Variants in CYYR1 observed in about 807,000 individuals in gnomAD.
The protein encoded by CYYR1 is cysteine and tyrosine-rich protein 1.
A neutral mutation model predicts 15.2 loss-of-function variants in CYYR1; 14 were observed. That is an observed-to-expected ratio of 0.92 (90% CI 0.61 to 1.44). CYYR1 has a LOEUF of 1.44. Among genes scored for constraint, CYYR1 ranks in the 40% most tolerant of loss-of-function variants. CYYR1 has a pLI of 0.00. For synonymous variants in CYYR1, 80 were observed against 77.4 expected (o/e 1.03, Z -0.18); for missense variants, 228 against 209.5 (o/e 1.09, Z -0.54).
At chr21:26,508,663 G>A (rs1160978380) in intron 2 of CYYR1, among the ~76,000 whole-genome samples, 2 of 151,498 alleles carry the variant, frequency 1.3e-5, no homozygotes, top group Non-Finnish European at 2.9e-5. Context: ...TAAGATCAAT[G>A]CATTCATTCT....
chr21:26,571,802 T>C (rs974034547), intron 1 of CYYR1, among the ~76,000 whole-genome samples: 3 of 152,206 alleles, frequency 2.0e-5, no homozygotes, highest in African/African-American at 7.2e-5. Context: ...CTTTTATGAA[T>C]TTTCATATTA....
intron 2 of CYYR1, among the ~76,000 whole-genome samples, chr21:26,523,580 T>C (rs1006253831): frequency 3.3e-5 from 5 of 152,214 alleles, no homozygotes; most frequent in African/African-American, 9.6e-5. Flanking sequence ...TTTCTACCAC[T>C]CATTCACTCA....
intron 2 of CYYR1, among the ~76,000 whole-genome samples, chr21:26,542,581 G>A (rs971429080): frequency 6.6e-6 from 1 of 151,694 alleles, no homozygotes; most frequent in Non-Finnish European, 1.5e-5. Context: ...CTATGTTCCA[G>A]AACAAGGCAA....
intron 2 of CYYR1, among the ~76,000 whole-genome samples, chr21:26,511,925 A>G (rs1447954019): frequency 6.6e-6 from 1 of 152,134 alleles, no homozygotes. Context: ...TTCAAATAGA[A>G]GGCCTAGTTC....
intron 2 of CYYR1, among the ~76,000 whole-genome samples, chr21:26,528,279 G>C (rs1221334894): frequency 1.3e-5 from 2 of 152,112 alleles, no homozygotes; most frequent in African/African-American, 4.8e-5. Context: ...ATTTGGATAT[G>C]TGTCCCCTCC....
chr21:26,513,254 C>G (rs1157849396), intron 2 of CYYR1, among the ~76,000 whole-genome samples: 1 of 152,206 alleles, frequency 6.6e-6, no homozygotes, highest in Non-Finnish European at 1.5e-5. Flanking sequence ...TAGTCTTGCA[C>G]TCATTTCATA....
intron 2 of CYYR1, among the ~76,000 whole-genome samples, chr21:26,500,482 A>T (rs2065466246): frequency 2.0e-5 from 3 of 152,134 alleles, no homozygotes; most frequent in African/African-American, 7.2e-5. Flanking sequence ...GAGGAAGGGA[A>T]AGCAGACACT....
chr21:26,559,199 C>T (rs899636827), intron 2 of CYYR1, among the ~76,000 whole-genome samples: 2 of 152,112 alleles, frequency 1.3e-5, no homozygotes, highest in Admixed American at 1.3e-4. Flanking sequence ...TTGGTTTGTC[C>T]TGCTTTAGTT....
chr21:26,505,584 G>A lies in CYYR1; in HGVS notation c.177-25155C>T, dbSNP rs143782227. ...TGTGTGTACATAACCAGAGTGCCTGGAACATTAAATGCTTAATGCACATTA... is the reference window on the plus strand; with the variant it reads ...TGTGTGTACATAACCAGAGTGCCTGAAACATTAAATGCTTAATGCACATTA... On this transcript the variant is annotated intron_variant, in intron 2 of 3. Transcript: ENST00000652641. Among the ~76,000 whole-genome samples the A allele has an allele frequency of 5.1e-3, 781 of 152,226 alleles. 8 individuals carry two copies. Among genetic ancestry groups the A allele is most frequent in the African/African-American group, 0.018 (734 of 41,540 alleles).
At chr21:26,513,011 T>C (rs778955695) in intron 2 of CYYR1, among the ~76,000 whole-genome samples, 4 of 152,200 alleles carry the variant, frequency 2.6e-5, no homozygotes, top group Admixed American at 1.3e-4. Context: ...ACCTACTACA[T>C]ATTCTTCCCT....
chr21:26,501,109 G>A (rs1808959931), intron 2 of CYYR1, among the ~76,000 whole-genome samples: 2 of 152,286 alleles, frequency 1.3e-5, no homozygotes, highest in Middle Eastern at 3.4e-3. Flanking sequence ...GGAGGCCAAG[G>A]CAGGCAGATC....
intron 2 of CYYR1, among the ~76,000 whole-genome samples, chr21:26,481,486 T>C (rs1239009950): frequency 1.3e-5 from 2 of 152,152 alleles, no homozygotes; most frequent in African/African-American, 2.4e-5. Flanking sequence ...TTACTATTGA[T>C]AGTAATTTGT....
intron 2 of CYYR1, among the ~76,000 whole-genome samples, chr21:26,526,197 T>C (rs8128269): frequency 0.59 from 89,831 of 152,006 alleles, 26,736 homozygotes; most frequent in East Asian, 0.82. Context: ...CCTGTAATCC[T>C]AGCACTTTGG....
chr21:26,494,595 A>C (rs2830256), intron 2 of CYYR1, among the ~76,000 whole-genome samples: 53,103 of 151,928 alleles, frequency 0.35, 10,024 homozygotes, highest in South Asian at 0.44. Flanking sequence ...AGATGGCTAC[A>C]CCAAGACGCA....
At chr21:26,527,206 T>G (rs913502063) in intron 2 of CYYR1, among the ~76,000 whole-genome samples, 1 of 152,316 alleles carries the variant, frequency 6.6e-6, no homozygotes, top group African/African-American at 2.4e-5. Flanking sequence ...CCAGAAACAC[T>G]GCCAGTTTCC....
At chr21:26,558,979 A>G (rs1488700124) in intron 2 of CYYR1, among the ~76,000 whole-genome samples, 1 of 152,172 alleles carries the variant, frequency 6.6e-6, no homozygotes, top group Non-Finnish European at 1.5e-5. Flanking sequence ...CCTAGGGAAT[A>G]TATCTTGAAG....
At chr21:26,471,573 C>T (rs1379095735) in intron 3 of CYYR1, 1 of 152,128 alleles carries the variant, frequency 6.6e-6, no homozygotes, top group Non-Finnish European at 1.5e-5. Flanking sequence ...GACTACGCAT[C>T]AAGATATAAA....
At chr21:26,502,309 T>G (rs1157454016) in intron 2 of CYYR1, among the ~76,000 whole-genome samples, 1 of 151,942 alleles carries the variant, frequency 6.6e-6, no homozygotes, top group Non-Finnish European at 1.5e-5. Context: ...CTGCTTTTTT[T>G]TTTTTTTTTT....
At chr21:26,549,240 A>G (rs1025757801) in intron 2 of CYYR1, among the ~76,000 whole-genome samples, 1 of 152,136 alleles carries the variant, frequency 6.6e-6, no homozygotes, top group Non-Finnish European at 1.5e-5. Context: ...GAAAACAATA[A>G]ATTTTGGGGT....
Sources: gnomAD v4.1 joint callset for allele counts (sites outside exome capture counted in the v4.1 genomes callset) on GRCh38, gnomAD v4.1.1 for gene constraint, MANE v1.5 for transcripts, NCBI Gene and HGNC (gene_info 2026-07-23, HGNC 2026-07-21) for gene names.